The following ACBD5 variants were observed in gnomAD, a reference collection of about 807,000 sequenced individuals.
ACBD5 encodes the protein acyl-CoA-binding domain-containing protein 5.
ACBD5 carries 40 observed loss-of-function variants against 71.8 expected under a neutral mutation model. The observed-to-expected ratio is 0.56, with a 90% CI of 0.43 to 0.72. The LOEUF (loss-of-function observed/expected upper bound fraction) is 0.72. Ranked by LOEUF, ACBD5 falls within the 30% of genes least tolerant of loss-of-function variation. The probability of loss-of-function intolerance (pLI) is 0.00; values close to 1 mark genes in which losing one functional copy is unlikely to be tolerated. For missense variants in ACBD5, 559 were observed against 644.5 expected, an observed-to-expected ratio of 0.87 and a Z score of 1.44; for synonymous variants, 229 against 218.6, an observed-to-expected ratio of 1.05 and a Z score of -0.42.
At chr10:27,205,546 A>G (rs1157369544) in intron 10 of ACBD5, among the ~76,000 whole-genome samples, 1 of 152,166 alleles carries the variant, frequency 6.6e-6, no homozygotes, top group African/African-American at 2.4e-5. Context: ...GACTATGAAA[A>G]TAAAACCTCA....
At chr10:27,226,523 C>A (rs1480229955) in intron 4 of ACBD5, among the ~76,000 whole-genome samples, 1 of 151,412 alleles carries the variant, frequency 6.6e-6, no homozygotes, top group Non-Finnish European at 1.5e-5. Context: ...TAGGTAACTA[C>A]TACCTACCCT....
chr10:27,197,922 C>T (rs1449228508), intron 12 of ACBD5, among the ~76,000 whole-genome samples: 6 of 152,164 alleles, frequency 3.9e-5, no homozygotes, highest in Non-Finnish European at 5.9e-5. Flanking sequence ...TTAGCTATGG[C>T]GCCCAGCCAT....
Position 27,210,836 on chromosome 10 carries a change from G to C in ACBD5, c.1182C>G (p.Phe394Leu), listed in dbSNP as rs775919799. ...REKRGGETDEFSNVRRGRGHR... is the reference protein window; with the variant it reads ...REKRGGETDELSNVRRGRGHR... Reference sequence around the variant, plus strand: ...CACCTCTTCCTCTTCTAACATTAGAGAATTCGTCAGTTTCTCCGCCTCGCT... The same window carrying C: ...CACCTCTTCCTCTTCTAACATTAGACAATTCGTCAGTTTCTCCGCCTCGCT... Residue 394 changes from phenylalanine to leucine, a missense_variant, in exon 9 of 13, where the codon TTC becomes TTG. By Grantham distance (22) the Phe-to-Leu change is conservative (BLOSUM62 0). Coordinates refer to ENST00000396271, the MANE Select transcript of ACBD5 (RefSeq NM_145698.5). The C allele has an allele frequency of 2.5e-6, 4 of 1,614,042 alleles. No homozygotes were observed. In the African/African-American group the frequency reaches 4.0e-5, roughly 16 times the overall value.
At chr10:27,218,669 T>C (rs2061951033) in intron 6 of ACBD5, among the ~76,000 whole-genome samples, 1 of 151,840 alleles carries the variant, frequency 6.6e-6, no homozygotes, top group Admixed American at 6.6e-5. Context: ...CACTGCAAAT[T>C]CTGCCTCCCG....
At chr10:27,192,501 A>G (rs572196720), downstream of ACBD5, among the ~76,000 whole-genome samples, 1 of 152,272 alleles carries the variant, frequency 6.6e-6, no homozygotes, top group South Asian at 2.1e-4. Context: ...ACGATGGGGC[A>G]GCAATGGGCA....
intron 4 of ACBD5, among the ~76,000 whole-genome samples, chr10:27,228,807 A>T (rs1167743426): frequency 5.1e-3 from 35 of 6,812 alleles, no homozygotes; most frequent in African/African-American, 5.9e-3. Context: ...ATATATATAT[A>T]TATATATATT....
intron 12 of ACBD5, among the ~76,000 whole-genome samples, 171 bp from the exon 13 acceptor site, chr10:27,197,613 C>T (rs997482714): frequency 2.0e-5 from 3 of 152,148 alleles, no homozygotes; most frequent in African/African-American, 7.2e-5. Flanking sequence ...GATCCAATTA[C>T]AAGTGCTGAA....
At chr10:27,214,415 T>A (rs7078662) in intron 8 of ACBD5, among the ~76,000 whole-genome samples, 117,718 of 151,820 alleles carry the variant, frequency 0.78, 45,882 homozygotes, top group African/African-American at 0.85. Flanking sequence ...GGGTCTCGCC[T>A]TCTTGCCCAG....
intron 4 of ACBD5, among the ~76,000 whole-genome samples, chr10:27,224,768 C>T (rs570037093): frequency 4.6e-5 from 7 of 152,176 alleles, no homozygotes; most frequent in East Asian, 1.9e-4. Flanking sequence ...TGGTGGCTCA[C>T]GCCTGTAATC....
chr10:27,209,155 G>A (rs1241488655), intron 9 of ACBD5, among the ~76,000 whole-genome samples: 2 of 151,826 alleles, frequency 1.3e-5, no homozygotes, highest in Non-Finnish European at 2.9e-5. Flanking sequence ...GAATGCTTGG[G>A]ATCAAGCAAT....
intron 13 of ACBD5, among the ~76,000 whole-genome samples, chr10:27,184,446 T>A (rs1037640372): frequency 1.3e-5 from 2 of 152,116 alleles, no homozygotes; most frequent in African/African-American, 4.8e-5. Context: ...TACATTGGAT[T>A]TGGACATACT....
intron 2 of ACBD5, among the ~76,000 whole-genome samples, chr10:27,236,844 C>T (rs1393452523): frequency 6.8e-6 from 1 of 146,138 alleles, no homozygotes; most frequent in Non-Finnish European, 1.5e-5. Context: ...AAGATCACAC[C>T]ACTGCACTAC....
chr10:27,239,806 G>C (rs1189029112), intron 2 of ACBD5, among the ~76,000 whole-genome samples: 7 of 152,192 alleles, frequency 4.6e-5, no homozygotes, highest in Admixed American at 4.6e-4. Context: ...GAGTGCAGTG[G>C]CACGATATCG....
chr10:27,222,497 A>G (rs140687813), intron 5 of ACBD5, among the ~76,000 whole-genome samples: 2 of 152,210 alleles, frequency 1.3e-5, no homozygotes, highest in African/African-American at 4.8e-5. Context: ...AAATGAATTA[A>G]CTGTCTTGCA....
In ACBD5 at chr10:27,199,022, T is replaced by G. The variant is rs1052679555; in HGVS notation, c.1566-1580A>C. Among the ~76,000 whole-genome samples the G allele has an allele frequency of 2.6e-5, 4 of 151,606 alleles. No homozygotes were observed. In the East Asian group the frequency reaches 5.9e-4, roughly 22 times the overall value. ...TACTTGGGAGGCTGAGGCAGGAGAA[T>G]CGCTTGAACCTGGGAGGCGGAGGTT... is the stretch of plus-strand genomic sequence containing the variant. On this transcript the variant is annotated intron_variant, in intron 12 of 12. Coordinates refer to ENST00000396271, the MANE Select transcript of ACBD5 (RefSeq NM_145698.5).
chr10:27,205,815 C>A (rs79832778), intron 10 of ACBD5, among the ~76,000 whole-genome samples: 2,539 of 152,040 alleles, frequency 0.017, 150 homozygotes, highest in South Asian at 0.16. Flanking sequence ...TAGGCATGAA[C>A]CACCATGCCT....
intron 4 of ACBD5, among the ~76,000 whole-genome samples, chr10:27,224,482 G>A (rs2062758383): frequency 6.6e-6 from 1 of 152,148 alleles, no homozygotes; most frequent in East Asian, 1.9e-4. Flanking sequence ...TAACAATAAG[G>A]TAGCGTAGTA....
Position 27,218,877 on chromosome 10 carries a change from T to G in ACBD5, c.626-694A>C, listed in dbSNP as rs548033705. Among the ~76,000 whole-genome samples the G allele has an allele frequency of 2.0e-4, 31 of 152,228 alleles. No individual in the cohort carries two copies. In the South Asian group the frequency reaches 6.2e-3, roughly 31 times the overall value. On this transcript the variant is annotated intron_variant, in intron 6 of 12. Transcript: ENST00000396271. ...CTGGGATTACGAGTGTGAGCAACCG[T>G]GCCCGGCCGCAGTTTGTTTTAGTGT...
chr10:27,188,877 C>T (rs1588863960), intron 13 of ACBD5, among the ~76,000 whole-genome samples: 6 of 152,276 alleles, frequency 3.9e-5, no homozygotes, highest in Admixed American at 3.9e-4. Context: ...CCAACGGCCA[C>T]CAATAGAAAT....
Sources: gnomAD v4.1 joint callset for allele counts (sites outside exome capture counted in the v4.1 genomes callset) on GRCh38, gnomAD v4.1.1 for gene constraint, MANE v1.5 for transcripts, NCBI Gene and HGNC (gene_info 2026-07-23, HGNC 2026-07-21) for gene names.